RIC8B: variants seen among roughly 807,000 people sequenced by gnomAD.
RIC8B encodes the protein chaperone Ric-8B.
A neutral mutation model predicts 57.5 loss-of-function variants in RIC8B; 16 were observed. That is an observed-to-expected ratio of 0.28 (90% CI 0.19 to 0.42). RIC8B has a LOEUF of 0.42. RIC8B is among the 10% of genes least tolerant of loss of function. The pLI, the probability that RIC8B is intolerant of heterozygous loss-of-function variation, is 1.00. For missense variants in RIC8B, 481 were observed against 677.0 expected (o/e 0.71, Z 3.21); for synonymous variants, 216 against 250.8 (o/e 0.86, Z 1.31).
chr12:106,844,117 C>G (rs1023858480), intron 6 of RIC8B, among the ~76,000 whole-genome samples, 170 bp downstream of exon 6: 2 of 152,110 alleles, frequency 1.3e-5, no homozygotes, highest in Non-Finnish European at 2.9e-5. Context: ...GTCATTCATT[C>G]AGCAAATGCT....
At chr12:106,870,761 A>C in intron 8 of RIC8B, 62 bp from the exon 9 acceptor site, 2 of 1,324,560 alleles carry the variant, frequency 1.5e-6, no homozygotes, top group Non-Finnish European at 2.0e-6. Flanking sequence ...AAGTTGGACC[A>C]GAAAAGTATA....
intron 3 of RIC8B, among the ~76,000 whole-genome samples, chr12:106,823,777 TGGGTTCAA>T (rs2045965813): frequency 6.6e-6 from 1 of 151,664 alleles, no homozygotes; most frequent in African/African-American, 2.4e-5. Context: ...CTCCGCCTCC[TGGGTTCAA>T]GCAATTCTCC....
intron 2 of RIC8B, among the ~76,000 whole-genome samples, chr12:106,794,720 C>CA (rs896366736): frequency 6.6e-6 from 1 of 151,944 alleles, no homozygotes; most frequent in Admixed American, 6.6e-5. Context: ...TTCAGATAAA[C>CA]AAAAAACTGA....
At chr12:106,856,569 A>G (rs1021367681) in intron 7 of RIC8B, among the ~76,000 whole-genome samples, 1 of 152,184 alleles carries the variant, frequency 6.6e-6, no homozygotes, top group Non-Finnish European at 1.5e-5. Context: ...CAGCTTAAGC[A>G]TCATCTCTGT....
chr12:106,853,301 G>C (rs1034370335), intron 7 of RIC8B, among the ~76,000 whole-genome samples: 2 of 151,562 alleles, frequency 1.3e-5, no homozygotes, highest in Non-Finnish European at 2.9e-5. Context: ...ATTTATAAGT[G>C]AATTTTGTTA....
At chr12:106,807,171 C>T (rs2045078549) in intron 2 of RIC8B, among the ~76,000 whole-genome samples, 1 of 152,188 alleles carries the variant, frequency 6.6e-6, no homozygotes, top group Non-Finnish European at 1.5e-5. Context: ...TCCAGTCCAA[C>T]CCATTTTGAT....
chr12:106,835,321 C>T (rs1255433748), intron 4 of RIC8B, among the ~76,000 whole-genome samples: 1 of 152,162 alleles, frequency 6.6e-6, no homozygotes, highest in Non-Finnish European at 1.5e-5. Context: ...GAGGCCTTAT[C>T]ATTTGCTTTA....
intron 4 of RIC8B, among the ~76,000 whole-genome samples, chr12:106,837,406 G>A (rs895904265): frequency 1.1e-4 from 16 of 151,556 alleles, no homozygotes; most frequent in African/African-American, 3.9e-4. Context: ...TACCCTCATG[G>A]GTTATTCCCC....
At chr12:106,878,268 A>G (rs370931941) in intron 9 of RIC8B, among the ~76,000 whole-genome samples, 4 of 152,164 alleles carry the variant, frequency 2.6e-5, no homozygotes, top group African/African-American at 9.7e-5. Context: ...ACACTTTCAC[A>G]GTATCTAACT....
At chr12:106,871,108 T>G (rs1392263097) in intron 9 of RIC8B, 166 bp downstream of exon 9, 2 of 521,572 alleles carry the variant, frequency 3.8e-6, no homozygotes, top group Non-Finnish European at 6.5e-6. Context: ...CCATGGTTTT[T>G]CTACATGTGC....
At chr12:106,835,380 T>G (rs1593254361) in intron 4 of RIC8B, among the ~76,000 whole-genome samples, 1 of 152,170 alleles carries the variant, frequency 6.6e-6, no homozygotes, top group East Asian at 1.9e-4. Context: ...AATCTCTCAT[T>G]CCTCCAAATT....
intron 6 of RIC8B, among the ~76,000 whole-genome samples, chr12:106,850,557 A>G (rs1593303104): frequency 2.6e-5 from 4 of 152,152 alleles, no homozygotes; most frequent in African/African-American, 9.7e-5. Context: ...GGATCAGTCT[A>G]TTTGCCATTA....
At chr12:106,850,612 C>G (rs1458419851) in intron 6 of RIC8B, among the ~76,000 whole-genome samples, 1 of 152,130 alleles carries the variant, frequency 6.6e-6, no homozygotes, top group Non-Finnish European at 1.5e-5. Context: ...CAACCTAATA[C>G]AAAACAGGGA....
rs145920057 is a variant in RIC8B at position 106,864,833 on chromosome 12, C to T, written c.1451+4421C>T. ...ATGAAACTCTGTACACATTCCCCTC[C>T]TTCTAGCTCCTGGTAAGCACCATTT... On this transcript the variant is annotated intron_variant, in intron 8 of 9. Transcript: ENST00000392837. Among the ~76,000 whole-genome samples, 839 of 152,236 alleles carry T rather than the reference C, an allele frequency of 5.5e-3. 4 individuals carry two copies. The highest frequency in any genetic ancestry group is 6.8e-3 in the Non-Finnish European group (462 of 68,008).
In RIC8B at chr12:106,817,309, G is replaced by A. The variant is rs189746967; in HGVS notation, c.741+2005G>A. Among the ~76,000 whole-genome samples the A allele has an allele frequency of 2.0e-5, 3 of 152,288 alleles. No homozygotes were observed. In the East Asian group the frequency reaches 5.8e-4, roughly 29 times the overall value. On this transcript the variant is annotated intron_variant, in intron 3 of 9. Transcript: ENST00000392837. The stretch of plus-strand genomic sequence containing the variant: ...AAATATATAATTCAAATTCCGTTAA[G>A]TGCTAGGAGAGAAAGAGCGCACTGA...
intron 3 of RIC8B, among the ~76,000 whole-genome samples, chr12:106,817,718 G>A (rs1000505973): frequency 6.6e-6 from 1 of 151,762 alleles, no homozygotes; most frequent in East Asian, 1.9e-4. Flanking sequence ...CCAGCTATTC[G>A]GGAGGCTGAG....
At chr12:106,862,020 T>G (rs1244383070) in intron 8 of RIC8B, among the ~76,000 whole-genome samples, 1 of 152,088 alleles carries the variant, frequency 6.6e-6, no homozygotes, top group Non-Finnish European at 1.5e-5. Context: ...GAAAATAGAA[T>G]TATGTTACAT....
intron 2 of RIC8B, among the ~76,000 whole-genome samples, chr12:106,800,540 T>C: frequency 6.6e-6 from 1 of 152,124 alleles, no homozygotes; most frequent in East Asian, 1.9e-4. Flanking sequence ...CCAAACCATA[T>C]CACTGTTCGA....
At chr12:106,800,278 G>A (rs537430294) in intron 2 of RIC8B, among the ~76,000 whole-genome samples, 6 of 152,244 alleles carry the variant, frequency 3.9e-5, no homozygotes, top group African/African-American at 9.6e-5. Flanking sequence ...GCATCTTTCC[G>A]GGGAAGCCTC....
Sources: gnomAD v4.1 joint callset for allele counts (sites outside exome capture counted in the v4.1 genomes callset) on GRCh38, gnomAD v4.1.1 for gene constraint, MANE v1.5 for transcripts, NCBI Gene and HGNC (gene_info 2026-07-23, HGNC 2026-07-21) for gene names.